The following ACVR1C variants were observed in gnomAD, a reference collection of about 807,000 sequenced individuals.
ACVR1C encodes activin A receptor type 1C.
ACVR1C carries 23 observed loss-of-function variants against 57.9 expected under a neutral mutation model. That is an observed-to-expected ratio of 0.40 (90% CI 0.29 to 0.56). The LOEUF is 0.56. Ranked by LOEUF, ACVR1C falls within the 20% of genes least tolerant of loss-of-function variation. The pLI, the probability that ACVR1C is intolerant of heterozygous loss-of-function variation, is 0.50. For synonymous variants in ACVR1C, 214 were observed against 215.3 expected (o/e 0.99, Z 0.05); for missense variants, 480 against 607.9 (o/e 0.79, Z 2.21).
intron 2 of ACVR1C, among the ~76,000 whole-genome samples, chr2:157,562,025 G>C (rs533450227): frequency 1.3e-5 from 2 of 152,198 alleles, no homozygotes; most frequent in Admixed American, 1.3e-4. Flanking sequence ...GGCTGGGTGC[G>C]GTGGCTCACG....
intron 1 of ACVR1C, among the ~76,000 whole-genome samples, chr2:157,601,686 G>A (rs182434194): frequency 1.3e-5 from 2 of 152,274 alleles, no homozygotes; most frequent in East Asian, 1.9e-4. Flanking sequence ...AATTCAGCAA[G>A]GTGCAGTAAA....
intron 8 of ACVR1C, among the ~76,000 whole-genome samples, chr2:157,537,048 T>C (rs1204953168): frequency 6.6e-6 from 1 of 152,124 alleles, no homozygotes; most frequent in Non-Finnish European, 1.5e-5. Flanking sequence ...AATGGACAGA[T>C]TATAGCTACA....
intron 2 of ACVR1C, among the ~76,000 whole-genome samples, chr2:157,575,486 CT>C (rs2105244706): frequency 6.6e-6 from 1 of 152,282 alleles, no homozygotes; most frequent in East Asian, 1.9e-4. Flanking sequence ...CAAGGCTGGT[CT>C]TGAACTCCTA....
chr2:157,541,811 G>A (rs958950456), intron 6 of ACVR1C, among the ~76,000 whole-genome samples: 20 of 152,288 alleles, frequency 1.3e-4, no homozygotes, highest in Admixed American at 1.2e-3. Flanking sequence ...AATACGGCTT[G>A]AAGGCCAGGT....
At chr2:157,626,965 A>G (rs2105163665) in intron 1 of ACVR1C, among the ~76,000 whole-genome samples, 1 of 152,262 alleles carries the variant, frequency 6.6e-6, no homozygotes, top group South Asian at 2.1e-4. Flanking sequence ...GCATATTTCA[A>G]TGTCAAAAGT....
intron 8 of ACVR1C, among the ~76,000 whole-genome samples, chr2:157,536,680 CAGG>C (rs1687494676): frequency 6.6e-6 from 1 of 152,046 alleles, no homozygotes; most frequent in Non-Finnish European, 1.5e-5. Context: ...GGATTCACAT[CAGG>C]AAGTCAGAAA....
At chr2:157,565,197 A>T (rs1190619566) in intron 2 of ACVR1C, among the ~76,000 whole-genome samples, 3 of 152,224 alleles carry the variant, frequency 2.0e-5, no homozygotes, top group African/African-American at 7.2e-5. Context: ...TATTCCATTC[A>T]TGATGAATCA....
chr2:157,554,198 A>G (rs1346697243), intron 3 of ACVR1C, among the ~76,000 whole-genome samples: 4 of 127,262 alleles, frequency 3.1e-5, no homozygotes, highest in African/African-American at 1.3e-4. Context: ...AAAATAAAGA[A>G]GAGAGAAAGA....
At chr2:157,566,996 T>C (rs1218052829) in intron 2 of ACVR1C, among the ~76,000 whole-genome samples, 1 of 104,744 alleles carries the variant, frequency 9.5e-6, no homozygotes, top group Non-Finnish European at 1.9e-5. Context: ...GCAGTGGTTC[T>C]CCCAGCACGC....
At chr2:157,546,858 G>T (rs1319521372) in intron 4 of ACVR1C, among the ~76,000 whole-genome samples, 1 of 151,180 alleles carries the variant, frequency 6.6e-6, no homozygotes, top group Non-Finnish European at 1.5e-5. Flanking sequence ...GGGTACATGT[G>T]CACATTGTGC....
intron 1 of ACVR1C, among the ~76,000 whole-genome samples, chr2:157,624,387 A>G (rs567053784): frequency 1.3e-5 from 2 of 152,348 alleles, no homozygotes; most frequent in East Asian, 3.8e-4. Flanking sequence ...AAAGTACAAC[A>G]AAGTGGGTCT....
rs534436013 is a variant in ACVR1C, at chr2:157,628,804, C to T, written c.-160G>A. 2.5e-5 allele frequency: 12 copies of T among 474,280 alleles called. No individual in the cohort carries two copies. The highest frequency in any genetic ancestry group is 1.1e-4 in the East Asian group (3 of 27,180). 29.4% of individuals were successfully genotyped at this position (474,280 alleles called of 1,614,324 possible). A position where few individuals can be genotyped will look rare whatever the true frequency, so the allele number is the denominator to read the frequency against. On this transcript the variant is annotated 5_prime_UTR_variant, in exon 1 of 9. Coordinates refer to ENST00000243349, the MANE Select transcript of ACVR1C (RefSeq NM_145259.3). ...GGCTCTAGTCAGTGTGGGCGCCCCCCTCCCCGGCCGCCCCCATCCCACGCC... is the reference window on the plus strand; with the variant it reads ...GGCTCTAGTCAGTGTGGGCGCCCCCTTCCCCGGCCGCCCCCATCCCACGCC...
chr2:157,593,088 C>A (rs1042359193), intron 1 of ACVR1C, among the ~76,000 whole-genome samples: 6 of 152,050 alleles, frequency 3.9e-5, no homozygotes, highest in African/African-American at 1.4e-4. Flanking sequence ...AAAGGCAAGA[C>A]ATCTGTTACC....
At chr2:157,580,978 G>A (rs1688775874) in intron 2 of ACVR1C, among the ~76,000 whole-genome samples, 1 of 152,152 alleles carries the variant, frequency 6.6e-6, no homozygotes, top group Admixed American at 6.5e-5. Context: ...AAAACAATCT[G>A]AGAGTTCCTC....
chr2:157,563,096 C>G (rs1416823027), intron 2 of ACVR1C, among the ~76,000 whole-genome samples: 1 of 152,124 alleles, frequency 6.6e-6, no homozygotes, highest in African/African-American at 2.4e-5. Context: ...TCTTATTGAA[C>G]ATAGTATTGG....
At chr2:157,620,880 G>A (rs1440280098) in intron 1 of ACVR1C, among the ~76,000 whole-genome samples, 2 of 152,020 alleles carry the variant, frequency 1.3e-5, no homozygotes, top group Non-Finnish European at 2.9e-5. Context: ...ATAAAAAAAG[G>A]TATAAGGTGC....
At chr2:157,606,262 T>C (rs1682394421) in intron 1 of ACVR1C, among the ~76,000 whole-genome samples, 1 of 151,798 alleles carries the variant, frequency 6.6e-6, no homozygotes, top group Non-Finnish European at 1.5e-5. Flanking sequence ...GTGATAAACA[T>C]GTGAGTGCAG....
At chr2:157,546,710 G>C (rs1004427900) in intron 4 of ACVR1C, among the ~76,000 whole-genome samples, 1 of 150,894 alleles carries the variant, frequency 6.6e-6, no homozygotes, top group Non-Finnish European at 1.5e-5. Context: ...TAACAATTTC[G>C]TAAAAAAAAA....
In ACVR1C at chr2:157,628,616, C is replaced by A; in HGVS notation, c.29G>T (p.Arg10Leu). MTRALCSAL[R>L]QALLLLAAAA... ...CGCTGCGAGCAGCAGGAGAGCCTGG[C>A]GGAGCGCTGAGCAGAGCGCCCGGGT... is the stretch of plus-strand genomic sequence containing the variant. Residue 10 changes from arginine to leucine, a missense_variant, in exon 1 of 9, where the codon CGC becomes CTC. By Grantham distance (102) the Arg-to-Leu change is moderately radical (BLOSUM62 -2). Coordinates refer to ENST00000243349, the MANE Select transcript of ACVR1C (RefSeq NM_145259.3). 6.2e-7 allele frequency: 1 copy of A among 1,601,472 alleles called. No homozygotes were observed. Among genetic ancestry groups the A allele is most frequent in the Non-Finnish European group, 8.5e-7 (1 of 1,174,924 alleles).
Sources: gnomAD v4.1 joint callset for allele counts (sites outside exome capture counted in the v4.1 genomes callset) on GRCh38, gnomAD v4.1.1 for gene constraint, MANE v1.5 for transcripts, NCBI Gene and HGNC (gene_info 2026-07-23, HGNC 2026-07-21) for gene names.